Variants in DLC1 observed in about 807,000 individuals in gnomAD.
The protein encoded by DLC1 is DLC1 Rho GTPase activating protein, also known as rho GTPase-activating protein 7.
DLC1 carries 54 observed loss-of-function variants against 140.3 expected under a neutral mutation model. The observed-to-expected ratio is 0.38, with a 90% CI of 0.31 to 0.48. DLC1 has a LOEUF of 0.48. Among genes scored for constraint, DLC1 ranks in the 20% least tolerant of loss-of-function variants. DLC1 has a pLI of 0.96. For synonymous variants in DLC1, 986 were observed against 728.1 expected (o/e 1.35, Z -5.70); for missense variants, 2,536 against 1,907.0 (o/e 1.33, Z -6.14).
chr8:13,593,851 G>C (rs1340903924), intron 1 of DLC1, among the ~76,000 whole-genome samples: 1 of 152,094 alleles, frequency 6.6e-6, no homozygotes. Context: ...ATCTATGTGG[G>C]TGTTCTCATG....
chr8:13,147,848 C>T (rs970711351), intron 5 of DLC1, among the ~76,000 whole-genome samples: 2 of 151,940 alleles, frequency 1.3e-5, no homozygotes, highest in Non-Finnish European at 2.9e-5. Context: ...ATTAGCTGGG[C>T]GTGGTGGCAG....
At chr8:13,323,928 A>G (rs1254214548) in intron 4 of DLC1, among the ~76,000 whole-genome samples, 1 of 152,212 alleles carries the variant, frequency 6.6e-6, no homozygotes, top group East Asian at 1.9e-4. Context: ...AGTGTAAATC[A>G]ATTCAGCAAA....
chr8:13,286,303 C>T (rs111354514), intron 5 of DLC1, among the ~76,000 whole-genome samples: 165 of 152,098 alleles, frequency 1.1e-3, no homozygotes, highest in African/African-American at 3.5e-3. Context: ...AAAAAAATTG[C>T]TGTTTAAGGA....
At chr8:13,290,771 G>T (rs1831726267) in intron 5 of DLC1, among the ~76,000 whole-genome samples, 1 of 152,160 alleles carries the variant, frequency 6.6e-6, no homozygotes, top group Admixed American at 6.5e-5. Context: ...TTCAGGAAAA[G>T]GTAACAATAT....
At chr8:13,394,948 C>A (rs1488624897) in intron 3 of DLC1, among the ~76,000 whole-genome samples, 1 of 152,114 alleles carries the variant, frequency 6.6e-6, no homozygotes, top group East Asian at 1.9e-4. Context: ...CTCCCTTCAA[C>A]CTCTATAACA....
intron 1 of DLC1, among the ~76,000 whole-genome samples, chr8:13,569,306 A>G (rs748399596): frequency 6.6e-6 from 1 of 152,146 alleles, no homozygotes. Context: ...GAGTTTTAGT[A>G]TTGTACTTCA....
intron 1 of DLC1, among the ~76,000 whole-genome samples, chr8:13,542,748 C>T (rs988356045): frequency 6.6e-6 from 1 of 151,900 alleles, no homozygotes; most frequent in South Asian, 2.1e-4. Context: ...ATTTTTGATG[C>T]TTTTTCTTGA....
chr8:13,540,919 T>C (rs1458473930), intron 1 of DLC1, among the ~76,000 whole-genome samples: 1 of 152,230 alleles, frequency 6.6e-6, no homozygotes, highest in Non-Finnish European at 1.5e-5. Flanking sequence ...ATATCATAAA[T>C]GCAGGTTCTT....
At chr8:13,173,831 A>C (rs1207060693) in intron 5 of DLC1, among the ~76,000 whole-genome samples, 1 of 152,188 alleles carries the variant, frequency 6.6e-6, no homozygotes, top group Non-Finnish European at 1.5e-5. Flanking sequence ...CCAAATATTA[A>C]ATCATAATTA....
At chr8:13,132,754 C>T (rs1378669042) in intron 5 of DLC1, among the ~76,000 whole-genome samples, 1 of 152,230 alleles carries the variant, frequency 6.6e-6, no homozygotes, top group African/African-American at 2.4e-5. Flanking sequence ...AATTCAAACT[C>T]CCTCCCCAAA....
rs2128936879 is a variant in DLC1 at position 13,099,928 on chromosome 8, C to G, written c.2409G>C (p.Glu803Asp). The G allele has an allele frequency of 1.2e-6, 2 of 1,613,870 alleles. No individual in the cohort carries two copies. Among genetic ancestry groups the G allele is most frequent in the Middle Eastern group, 3.3e-4 (2 of 6,062 alleles). Residue 803 changes from glutamate (E) to aspartate (D), a missense_variant, in exon 9 of 18, where the codon GAG (glutamate) becomes GAC (aspartate). Physicochemically the swap from Glu to Asp is conservative, Grantham distance 45. Coordinates refer to ENST00000276297, the MANE Select transcript of DLC1 (RefSeq NM_182643.3). ...QNFKNRESYPEDTVFYIPEDH... is the reference protein window; with the variant it reads ...QNFKNRESYPDDTVFYIPEDH... ...CTTCAGGGATGTAGAACACCGTGTC[C>G]TCTGGGTAGCTCTCGCGGTTCTTAA... is the stretch of plus-strand genomic sequence containing the variant.
intron 6 of DLC1, among the ~76,000 whole-genome samples, chr8:13,111,492 G>A (rs992491625): frequency 3.3e-5 from 5 of 152,090 alleles, no homozygotes; most frequent in Non-Finnish European, 4.4e-5. Flanking sequence ...CAGTTCTCTC[G>A]AGACAATGAA....
chr8:13,602,950 A>C (rs2117506356), intron 1 of DLC1, among the ~76,000 whole-genome samples: 1 of 152,000 alleles, frequency 6.6e-6, no homozygotes, highest in East Asian at 1.9e-4. Context: ...TTTTAAGGGA[A>C]AGGTCTTTGT....
chr8:13,431,761 T>C (rs937120273), intron 2 of DLC1, among the ~76,000 whole-genome samples: 11 of 151,974 alleles, frequency 7.2e-5, no homozygotes, highest in African/African-American at 2.4e-4. Flanking sequence ...CTGTAGGGCT[T>C]GGGAAAGGGA....
At chr8:13,248,940 A>G (rs867766899) in intron 5 of DLC1, among the ~76,000 whole-genome samples, 1 of 152,070 alleles carries the variant, frequency 6.6e-6, no homozygotes, top group African/African-American at 2.4e-5. Flanking sequence ...ACCAATTGGA[A>G]CTCCCAAACC....
At chr8:13,166,599 C>T (rs1186745251) in intron 5 of DLC1, among the ~76,000 whole-genome samples, 4 of 152,178 alleles carry the variant, frequency 2.6e-5, no homozygotes, top group Admixed American at 2.0e-4. Flanking sequence ...TCCCAAAGTG[C>T]TGGAATTAGA....
intron 4 of DLC1, among the ~76,000 whole-genome samples, chr8:13,368,419 A>G (rs1307283899): frequency 6.6e-6 from 1 of 152,160 alleles, no homozygotes; most frequent in Non-Finnish European, 1.5e-5. Context: ...AGGCAGCAGC[A>G]CAACAAGAAG....
intron 5 of DLC1, chr8:13,276,278 T>G (rs1322918257): frequency 1.3e-6 from 2 of 1,535,466 alleles, no homozygotes; most frequent in Non-Finnish European, 1.7e-6. Flanking sequence ...GCCGTCTGTC[T>G]CTAGTGTTTT....
intron 2 of DLC1, among the ~76,000 whole-genome samples, chr8:13,496,371 T>G (rs1801502006): frequency 6.6e-6 from 1 of 152,190 alleles, no homozygotes; most frequent in African/African-American, 2.4e-5. Flanking sequence ...ATTTTTGTGT[T>G]TCTGTTCAGT....
Sources: allele counts gnomAD v4.1 joint callset (sites outside exome capture counted in the v4.1 genomes callset), GRCh38; gene constraint gnomAD v4.1.1; transcripts MANE v1.5; gene names NCBI Gene and HGNC (gene_info 2026-07-23, HGNC 2026-07-21).